CAPZA1: variants seen among roughly 807,000 people sequenced by gnomAD.
CAPZA1 encodes the protein F-actin-capping protein subunit alpha-1.
Under a neutral mutation model 40.8 loss-of-function variants are expected in CAPZA1, and 10 were observed. The ratio of observed to expected loss-of-function variants is 0.25; its 90% CI spans 0.15 to 0.42. The LOEUF (loss-of-function observed/expected upper bound fraction) is 0.42. CAPZA1 is among the 10% of genes least tolerant of loss of function. CAPZA1 has a pLI of 1.00. For missense variants in CAPZA1, 277 were observed against 353.8 expected (o/e 0.78, Z 1.74); for synonymous variants, 98 against 115.0 (o/e 0.85, Z 0.95).
In CAPZA1 at chr1:112,619,872, G is replaced by A. The variant is rs41283062; in HGVS notation, c.28G>A (p.Asp10Asn). 26,540 of 1,612,294 alleles carry A rather than the reference G, an allele frequency of 0.016. 297 individuals are homozygous for A. Among genetic ancestry groups the A allele is most frequent in the Non-Finnish European group, 0.02 (23,431 of 1,179,188 alleles). Reference sequence around the variant, plus strand: ...GGCCGACTTCGATGATCGTGTGTCGGATGAGGAGAAGGTAAGGGGTCCGCC... The same window carrying A: ...GGCCGACTTCGATGATCGTGTGTCGAATGAGGAGAAGGTAAGGGGTCCGCC... MADFDDRVS[D>N]EEKVRIAAKF... Residue 10 changes from aspartate (D) to asparagine (N), a missense_variant, in exon 1 of 10, where the codon GAT becomes AAT. Around this residue, in one of 2 missense-constraint regions of CAPZA1, gnomAD observed 85 missense variants for 76.5 expected, o/e 1.11. Transcript: ENST00000263168.
intron 7 of CAPZA1, among the ~76,000 whole-genome samples, chr1:112,665,975 G>A (rs3013435): frequency 0.052 from 7,955 of 152,064 alleles, 658 homozygotes; most frequent in African/African-American, 0.18. Flanking sequence ...TCCTTTTCCC[G>A]TGTGTCACCT....
chr1:112,643,647 A>G (rs905353559), intron 1 of CAPZA1, among the ~76,000 whole-genome samples: 2 of 152,190 alleles, frequency 1.3e-5, no homozygotes, highest in African/African-American at 2.4e-5. Flanking sequence ...TCACAAATCT[A>G]GTTAGCTAAT....
intron 8 of CAPZA1, 48 bp from the exon 9 acceptor site, chr1:112,669,495 A>T: frequency 7.8e-7 from 1 of 1,280,418 alleles, no homozygotes; most frequent in Non-Finnish European, 1.1e-6. Context: ...CTTACTGCTT[A>T]CACATTAAAA....
chr1:112,630,680 C>T (rs1204908421), intron 1 of CAPZA1, among the ~76,000 whole-genome samples: 2 of 151,906 alleles, frequency 1.3e-5, no homozygotes, highest in Admixed American at 6.6e-5. Context: ...TCATTGTGTC[C>T]CATGCTGGTC....
Position 112,670,124 on chromosome 1 carries a change from A to G in CAPZA1, c.853A>G (p.Asn285Asp). Reference sequence around the variant, plus strand: ...CTACAAGATTGGCAAAGAAATGCAGAATGCTTAAAGGCTGAATGTAGGATT... The same window carrying G: ...CTACAAGATTGGCAAAGAAATGCAGGATGCTTAAAGGCTGAATGTAGGATT... ...LSYKIGKEMQ[N>D]A The change falls in exon 10 of 10, where the codon AAT becomes GAT. Residue 285 changes from asparagine to aspartate, a missense_variant. Physicochemically the swap from Asn to Asp is conservative, Grantham distance 23. Transcript: ENST00000263168. The G allele has an allele frequency of 6.2e-7, 1 of 1,613,974 alleles. No individual in the cohort carries two copies.
chr1:112,635,042 AAG>A (rs1174179463), intron 1 of CAPZA1, among the ~76,000 whole-genome samples: 2 of 152,198 alleles, frequency 1.3e-5, no homozygotes, highest in Non-Finnish European at 1.5e-5. Context: ...TAATATATAG[AAG>A]AGGAAAGCAA....
chr1:112,665,079 T>C (rs548126571), intron 7 of CAPZA1, among the ~76,000 whole-genome samples: 1 of 152,322 alleles, frequency 6.6e-6, no homozygotes, highest in African/African-American at 2.4e-5. Flanking sequence ...ATTACTGTTC[T>C]TCTCTTTTCC....
chr1:112,648,185 A>C (rs17030613), intron 2 of CAPZA1, among the ~76,000 whole-genome samples: 29,923 of 151,952 alleles, frequency 0.2, 3,780 homozygotes, highest in East Asian at 0.47. Context: ...TTCAGGGAGT[A>C]TAAGATATAA....
chr1:112,631,875 A>T lies in CAPZA1; in HGVS notation c.39+11992A>T, dbSNP rs576689446. Among the ~76,000 whole-genome samples the T allele has an allele frequency of 9.1e-4, 139 of 151,996 alleles. 1 individual carries two copies. The highest frequency in any genetic ancestry group is 3.3e-3 in the African/African-American group (135 of 41,458). On this transcript the variant is annotated intron_variant, in intron 1 of 9. Transcript: ENST00000263168. The stretch of plus-strand genomic sequence containing the variant: ...TTATGGGATGTTTTCACTCATTTTA[A>T]TTTTTTTTCTGTGTGTTGTAAATGT...
chr1:112,659,001 AT>A lies in CAPZA1; in HGVS notation c.427-12del, dbSNP rs748377261. On this transcript the variant is annotated intron_variant, in intron 5 of 9. Transcript: ENST00000263168. ...TTAAAAGTGTTTGGAGTCTTTAACTATTTTTTTTTCCCAACAATAGGTTTAT... is the reference window on the plus strand; with the variant it reads ...TTAAAAGTGTTTGGAGTCTTTAACTATTTTTTTTCCCAACAATAGGTTTAT... The A allele has an allele frequency of 2.6e-4, 395 of 1,526,318 alleles. No individual in the cohort carries two copies. The highest frequency in any genetic ancestry group is 5.1e-4 in the Middle Eastern group (3 of 5,844). 94.5% of individuals were successfully genotyped at this position (1,526,318 alleles called of 1,614,324 possible).
rs778250776 is a variant in CAPZA1, at chr1:112,645,037, A to T, written c.40-2173A>T. The stretch of plus-strand genomic sequence containing the variant: ...GACAAAAACAGCATTTGTCCTCAGA[A>T]TATAGCACTGAGTATGAGCACTGGG... On this transcript the variant is annotated intron_variant, in intron 1 of 9. Transcript: ENST00000263168. Among the ~76,000 whole-genome samples the T allele has an allele frequency of 1.5e-4, 23 of 152,236 alleles. 1 individual carries two copies. The highest frequency in any genetic ancestry group is 1.2e-3 in the Admixed American group (18 of 15,288).
At chr1:112,623,165 G>T (rs751625891) in intron 1 of CAPZA1, among the ~76,000 whole-genome samples, 1 of 152,154 alleles carries the variant, frequency 6.6e-6, no homozygotes, top group Non-Finnish European at 1.5e-5. Context: ...GATTGCAGGC[G>T]TGAGTCACTG....
At chr1:112,653,558 T>TC in intron 3 of CAPZA1, 40 bp from the exon 4 acceptor site, 2 of 856,746 alleles carry the variant, frequency 2.3e-6, no homozygotes, top group Non-Finnish European at 3.4e-6. Context: ...TCTCTCCCTC[T>TC]TTTTTTTTTT....
At chr1:112,628,519 G>T (rs572086056) in intron 1 of CAPZA1, among the ~76,000 whole-genome samples, 1 of 152,264 alleles carries the variant, frequency 6.6e-6, no homozygotes, top group South Asian at 2.1e-4. Context: ...TTTTAATGGA[G>T]CATAGAATTA....
chr1:112,624,336 T>C (rs1220999204), intron 1 of CAPZA1, among the ~76,000 whole-genome samples: 1 of 152,012 alleles, frequency 6.6e-6, no homozygotes, highest in Non-Finnish European at 1.5e-5. Flanking sequence ...GGGCTGGGCA[T>C]GATGGCTCAC....
intron 1 of CAPZA1, among the ~76,000 whole-genome samples, chr1:112,635,673 CG>C (rs1364589040): frequency 2.0e-5 from 3 of 151,780 alleles, no homozygotes; most frequent in Non-Finnish European, 2.9e-5. Flanking sequence ...TGACCTGCCT[CG>C]GCATCTGAAA....
rs189497073 is a variant in CAPZA1, at chr1:112,653,448, G to A, written c.156-150G>A. 3.8e-3 allele frequency: 2,226 copies of A among 588,714 alleles called. 16 individuals carry two copies. Among genetic ancestry groups the A allele is most frequent in the Non-Finnish European group, 5.0e-3 (1,717 of 343,422 alleles). 36.5% of individuals were successfully genotyped at this position (588,714 alleles called of 1,614,324 possible). A position where few individuals can be genotyped will look rare whatever the true frequency, so the allele number is the denominator to read the frequency against. On this transcript the variant is annotated intron_variant, in intron 3 of 9. Transcript: ENST00000263168. ...GCTGGAAGGCATTATGTTAACACTG[G>A]ATGTCTGGGGAGAAGGGAAAAGTAC... is the stretch of plus-strand genomic sequence containing the variant.
chr1:112,637,180 C>T (rs1315868644), intron 1 of CAPZA1, among the ~76,000 whole-genome samples: 3 of 152,202 alleles, frequency 2.0e-5, no homozygotes, highest in Non-Finnish European at 2.9e-5. Flanking sequence ...ACTCCCTGAA[C>T]CTATTTCTTG....
intron 6 of CAPZA1, 79 bp from the exon 7 acceptor site, chr1:112,659,622 A>G (rs944115498): frequency 3.7e-6 from 4 of 1,094,312 alleles, no homozygotes; most frequent in South Asian, 1.5e-5. Context: ...CTCTTTCCCA[A>G]CTTCTGTACC....
Sources: allele counts gnomAD v4.1 joint callset (sites outside exome capture counted in the v4.1 genomes callset), GRCh38; gene constraint gnomAD v4.1.1; regional missense constraint gnomAD v4.1.1; transcripts MANE v1.5; gene names NCBI Gene and HGNC (gene_info 2026-07-23, HGNC 2026-07-21).